Variants in DNAJB11 observed in about 807,000 individuals in gnomAD.
DNAJB11 encodes dnaJ homolog subfamily B member 11.
Under a neutral mutation model 47.2 loss-of-function variants are expected in DNAJB11, and 30 were observed. The ratio of observed to expected loss-of-function variants is 0.64; its 90% CI spans 0.48 to 0.86. The LOEUF (loss-of-function observed/expected upper bound fraction) is 0.86, where lower values mean the gene tolerates loss of function less well. Ranked by LOEUF, DNAJB11 falls within the 40% of genes least tolerant of loss-of-function variation. The probability of loss-of-function intolerance (pLI) is 0.00; values close to 1 mark genes in which losing one functional copy is unlikely to be tolerated. For missense variants in DNAJB11, 357 were observed against 440.2 expected, an observed-to-expected ratio of 0.81 and a Z score of 1.69; for synonymous variants, 151 against 159.9, an observed-to-expected ratio of 0.94 and a Z score of 0.42.
At chr3:186,576,091 A>G (rs527500772) in intron 3 of DNAJB11, among the ~76,000 whole-genome samples, 154 bp downstream of exon 3, 1 of 152,378 alleles carries the variant, frequency 6.6e-6, no homozygotes, top group South Asian at 2.1e-4. Flanking sequence ...GTGGGAAGAT[A>G]GTCTTCTATT....
intron 2 of DNAJB11, 149 bp downstream of exon 2, chr3:186,572,400 G>GA: frequency 1.3e-6 from 1 of 790,846 alleles, no homozygotes; most frequent in Non-Finnish European, 1.9e-6. Context: ...GGAGTGCAGT[G>GA]GTGCAATCTC....
intron 4 of DNAJB11, chr3:186,578,056 C>G (rs889699869): frequency 2.6e-5 from 6 of 233,036 alleles, no homozygotes; most frequent in African/African-American, 1.4e-4. Flanking sequence ...ATTACCCTGC[C>G]TCCCTTCAAA....
At chr3:186,583,294 G>T in intron 7 of DNAJB11, among the ~76,000 whole-genome samples, 1 of 152,148 alleles carries the variant, frequency 6.6e-6, no homozygotes, top group East Asian at 1.9e-4. Flanking sequence ...ATCAAAACAG[G>T]GTTCCCACCA....
At chr3:186,572,019 G>C (rs904462679) in intron 1 of DNAJB11, 76 bp from the exon 2 acceptor site, 21 of 1,330,556 alleles carry the variant, frequency 1.6e-5, no homozygotes, top group Non-Finnish European at 2.1e-5. Flanking sequence ...TAAATGTAGA[G>C]GAAAAATAAA....
chr3:186,574,774 T>C (rs1416036874), intron 2 of DNAJB11, among the ~76,000 whole-genome samples: 1 of 152,224 alleles, frequency 6.6e-6, no homozygotes, highest in Non-Finnish European at 1.5e-5. Context: ...GAATATGCCT[T>C]TCTTTTAAGT....
chr3:186,583,262 ATC>A (rs1295373023), intron 7 of DNAJB11, among the ~76,000 whole-genome samples: 1 of 152,230 alleles, frequency 6.6e-6, no homozygotes. Flanking sequence ...AACCAGTAAT[ATC>A]TCTGCCTTTG....
rs965107566 is a variant in DNAJB11 at position 186,577,739 on chromosome 3, G to T, written c.395G>T (p.Ser132Ile). 2 of 1,609,302 alleles carry T rather than the reference G, an allele frequency of 1.2e-6. No homozygotes were observed. The change falls in exon 4 of 10, where the codon AGT becomes ATT. Residue 132 changes from serine (S) to isoleucine (I), a missense_variant. Ser to Ile is a moderately radical substitution (Grantham distance 142). Coordinates refer to ENST00000265028, the MANE Select transcript of DNAJB11 (RefSeq NM_016306.6). ...RQQDRNIPRG[S>I]DIIVDLEVTL... is the part of the protein sequence containing the mutation. ...CAAGACAGAAATATTCCAAGAGGAA[G>T]TGATATTATTGTAGATCTAGAAGTC...
At chr3:186,584,971 G>A (rs1715632762) in intron 9 of DNAJB11, among the ~76,000 whole-genome samples, 1 of 152,056 alleles carries the variant, frequency 6.6e-6, no homozygotes, top group African/African-American at 2.4e-5. Context: ...GCCCCACTGG[G>A]GGTCCTAAAT....
intron 9 of DNAJB11, among the ~76,000 whole-genome samples, chr3:186,584,991 A>G (rs1209932610): frequency 1.3e-5 from 2 of 152,106 alleles, no homozygotes; most frequent in African/African-American, 2.4e-5. Context: ...TAGTAAGAGA[A>G]AGGAGAGCAA....
chr3:186,571,342 C>G (rs894908557), intron 1 of DNAJB11, among the ~76,000 whole-genome samples: 1 of 152,186 alleles, frequency 6.6e-6, no homozygotes, highest in Non-Finnish European at 1.5e-5. Context: ...AAGATAGTGA[C>G]AGTGCCAGGC....
chr3:186,584,104 T>C, intron 8 of DNAJB11, 128 bp downstream of exon 8: 1 of 714,358 alleles, frequency 1.4e-6, no homozygotes, highest in Non-Finnish European at 2.4e-6. Flanking sequence ...CTGCCGTCTG[T>C]ACTTACTCTG....
chr3:186,584,485 G>A lies in DNAJB11; in HGVS notation c.908G>A (p.Gly303Glu). The change falls in exon 9 of 10, where the codon GGG becomes GAG. Residue 303 changes from glycine to glutamate, a missense_variant. By Grantham distance (98) the Gly-to-Glu change is moderately conservative (BLOSUM62 -2). Coordinates refer to ENST00000265028, the MANE Select transcript of DNAJB11 (RefSeq NM_016306.6). ...TRPGAKLWKK[G>E]EGLPNFDNNN... ...CCAGGAGCGAAGCTATGGAAGAAAG[G>A]GGAAGGGCTCCCCAACTTTGACAAC... The A allele has an allele frequency of 6.2e-7, 1 of 1,600,162 alleles. No individual in the cohort carries two copies. Among genetic ancestry groups the A allele is most frequent in the East Asian group, 2.3e-5 (1 of 44,250 alleles).
intron 8 of DNAJB11, 88 bp from the exon 9 acceptor site, chr3:186,584,342 A>G: frequency 1.5e-6 from 2 of 1,309,608 alleles, no homozygotes; most frequent in Non-Finnish European, 2.0e-6. Context: ...CTGTGACATT[A>G]GCTTTGTGTA....
chr3:186,583,489 ACT>A (rs1472299651), intron 7 of DNAJB11, among the ~76,000 whole-genome samples: 1 of 151,950 alleles, frequency 6.6e-6, no homozygotes, highest in African/African-American at 2.4e-5. Flanking sequence ...ATTCCTTCTC[ACT>A]CTATTTCCCC....
At chr3:186,579,103 T>A (rs1715397393) in intron 4 of DNAJB11, 1 of 152,124 alleles carries the variant, frequency 6.6e-6, no homozygotes, top group African/African-American at 2.4e-5. Flanking sequence ...TGGAAAAAAA[T>A]TTTAAAATAA....
Position 186,575,389 on chromosome 3 carries a change from GTGTC to G in DNAJB11, c.226-447_226-444del, listed in dbSNP as rs1167144746. Among the ~76,000 whole-genome samples, 88 of 138,648 alleles carry G rather than the reference GTGTC, an allele frequency of 6.3e-4. 1 individual carries two copies. In the South Asian group the frequency reaches 7.9e-3, roughly 12 times the overall value. 91.0% of individuals were successfully genotyped at this position (138,648 alleles called of 152,430 possible). ...CGCGCGTGTGTGTGTGTGTGTGTGT[GTGTC>G]TGTGTGTGTGTGTTTTGGGTAGGGG... On this transcript the variant is annotated intron_variant, in intron 2 of 9. Coordinates refer to ENST00000265028, the MANE Select transcript of DNAJB11 (RefSeq NM_016306.6).
chr3:186,571,397 G>A (rs3774804), intron 1 of DNAJB11, among the ~76,000 whole-genome samples: 40,344 of 152,002 alleles, frequency 0.27, 6,747 homozygotes, highest in African/African-American at 0.47. Flanking sequence ...GAGGTGAGTT[G>A]CTGTGCCCCG....
chr3:186,575,341 A>T (rs1447683998), intron 2 of DNAJB11, among the ~76,000 whole-genome samples: 1 of 150,120 alleles, frequency 6.7e-6, no homozygotes, highest in Non-Finnish European at 1.5e-5. Context: ...TGACTTGACA[A>T]TCTCCTAATA....
In DNAJB11 at chr3:186,581,484, G is replaced by A. The variant is rs1389536722; in HGVS notation, c.570G>A (p.Glu190=). ...CTGGGCGCTTCCAAATGACCCAGGA[G>A]GTGGTCTGCGACGAATGCCCTAATG... ...LGPGRFQMTQ[E]VVCDECPNVK... Residue 190 remains glutamate, a synonymous_variant, in exon 5 of 10, where the codon GAG becomes GAA. Coordinates refer to ENST00000265028, the MANE Select transcript of DNAJB11 (RefSeq NM_016306.6). 2 of 1,613,612 alleles carry A rather than the reference G, an allele frequency of 1.2e-6. No individual in the cohort carries two copies. The highest frequency in any genetic ancestry group is 1.7e-5 in the Admixed American group (1 of 59,932).
Sources: allele counts gnomAD v4.1 joint callset (sites outside exome capture counted in the v4.1 genomes callset), GRCh38; gene constraint gnomAD v4.1.1; transcripts MANE v1.5; gene names NCBI Gene and HGNC (gene_info 2026-07-23, HGNC 2026-07-21).